Variants in CIMIP6 observed in about 807,000 individuals in gnomAD.
CIMIP6 encodes the protein ciliary microtubule inner protein 6.
chr2:54,357,743 A>AT, the CIMIP6 span, among the ~76,000 whole-genome samples: 78,588 of 144,204 alleles, frequency 0.54, 21,271 homozygotes, highest in Admixed American at 0.59. Flanking sequence ...CGCCCAGCTA[A>AT]TTTTTTTTTT....
the CIMIP6 span, among the ~76,000 whole-genome samples, chr2:54,332,259 C>T: frequency 1.3e-5 from 2 of 152,204 alleles, no homozygotes; most frequent in Non-Finnish European, 2.9e-5. Flanking sequence ...CTCCTACATA[C>T]ATACACTCCC....
chr2:54,368,831 C>T, the CIMIP6 span, among the ~76,000 whole-genome samples: 3 of 152,230 alleles, frequency 2.0e-5, no homozygotes, highest in Non-Finnish European at 2.9e-5. Context: ...GCACTGTCCA[C>T]AATTCTGCTG....
chr2:54,333,068 G>A, the CIMIP6 span, among the ~76,000 whole-genome samples: 1 of 152,176 alleles, frequency 6.6e-6, no homozygotes. Context: ...CCAGAAATAT[G>A]TAAATGTTAT....
chr2:54,335,692 T>TACA, the CIMIP6 span, among the ~76,000 whole-genome samples: 15 of 152,236 alleles, frequency 9.9e-5, no homozygotes, highest in Non-Finnish European at 1.8e-4. Flanking sequence ...TTGCTGATGT[T>TACA]ACAAATTTTC....
chr2:54,374,982 A>G, the CIMIP6 span, among the ~76,000 whole-genome samples: 1 of 152,222 alleles, frequency 6.6e-6, no homozygotes, highest in African/African-American at 2.4e-5. Flanking sequence ...TAGAATATCT[A>G]GTGCAGTATT....
the CIMIP6 span, among the ~76,000 whole-genome samples, chr2:54,337,046 C>A: frequency 6.6e-6 from 1 of 152,182 alleles, no homozygotes; most frequent in Non-Finnish European, 1.5e-5. Flanking sequence ...GTAATAATTT[C>A]TCATGTAGGT....
chr2:54,334,990 C>T, the CIMIP6 span: 13 of 1,604,556 alleles, frequency 8.1e-6, no homozygotes, highest in Non-Finnish European at 1.0e-5. Context: ...GAACCATTTC[C>T]CTACATAGAT....
chr2:54,381,231 A>G, the CIMIP6 span, among the ~76,000 whole-genome samples: 1 of 152,088 alleles, frequency 6.6e-6, no homozygotes, highest in East Asian at 1.9e-4. Context: ...GTTCCAGACC[A>G]ATGTGATATG....
the CIMIP6 span, among the ~76,000 whole-genome samples, chr2:54,371,540 C>T: frequency 6.6e-6 from 1 of 152,258 alleles, no homozygotes; most frequent in South Asian, 2.1e-4. Context: ...CCCACCCCCA[C>T]TCCACACCAA....
At chr2:54,332,237 A>G in the CIMIP6 span, among the ~76,000 whole-genome samples, 3 of 152,162 alleles carry the variant, frequency 2.0e-5, no homozygotes, top group Admixed American at 1.3e-4. Context: ...CTACCTGAAA[A>G]TGCAAACCTA....
the CIMIP6 span, among the ~76,000 whole-genome samples, chr2:54,377,748 G>T: frequency 7.3e-6 from 1 of 137,550 alleles, no homozygotes; most frequent in Admixed American, 7.1e-5. Flanking sequence ...TTGGCGTCGG[G>T]GCTGGAGAGT....
the CIMIP6 span, among the ~76,000 whole-genome samples, chr2:54,341,112 G>A: frequency 6.6e-6 from 1 of 152,132 alleles, no homozygotes; most frequent in Non-Finnish European, 1.5e-5. Context: ...AAGTGTTTGT[G>A]TATGCTTTAC....
the CIMIP6 span, chr2:54,343,774 G>C: frequency 1.9e-6 from 3 of 1,612,486 alleles, no homozygotes; most frequent in Non-Finnish European, 2.5e-6. Context: ...ACCACCTTAC[G>C]ACTCTAAGAG....
the CIMIP6 span, among the ~76,000 whole-genome samples, chr2:54,370,191 G>A: frequency 2.6e-5 from 4 of 152,078 alleles, no homozygotes; most frequent in African/African-American, 9.7e-5. Flanking sequence ...GGAGGTGGAG[G>A]TTGCAGTGAG....
chr2:54,374,893 T>C, the CIMIP6 span, among the ~76,000 whole-genome samples: 9 of 152,370 alleles, frequency 5.9e-5, no homozygotes, highest in Admixed American at 4.6e-4. Flanking sequence ...CCTTCCCCAC[T>C]GCATTTTCTT....
the CIMIP6 span, among the ~76,000 whole-genome samples, chr2:54,348,883 C>T: frequency 6.6e-6 from 1 of 152,176 alleles, no homozygotes; most frequent in Non-Finnish European, 1.5e-5. Context: ...TCAAAGTGCT[C>T]TTTATGTCTT....
chr2:54,380,011 T>A, the CIMIP6 span, among the ~76,000 whole-genome samples: 1 of 149,840 alleles, frequency 6.7e-6, no homozygotes, highest in Non-Finnish European at 1.5e-5. Context: ...GGTGTGGTGT[T>A]GTGCACCTCT....
chr2:54,347,842 G>C, the CIMIP6 span, among the ~76,000 whole-genome samples: 83 of 152,306 alleles, frequency 5.4e-4, no homozygotes, highest in African/African-American at 1.6e-3. Flanking sequence ...CTGGAATGCT[G>C]TGGCATTAAT....
the CIMIP6 span, among the ~76,000 whole-genome samples, chr2:54,335,378 T>C: frequency 6.6e-6 from 1 of 152,224 alleles, no homozygotes; most frequent in Non-Finnish European, 1.5e-5. Flanking sequence ...ATAATAATCA[T>C]TTATTGAAAG....
Sources: allele counts gnomAD v4.1 joint callset (sites outside exome capture counted in the v4.1 genomes callset), GRCh38; gene constraint gnomAD v4.1.1; transcripts MANE v1.5; gene names NCBI Gene and HGNC (gene_info 2026-07-23, HGNC 2026-07-21).